Variants in EFCAB6 observed in about 807,000 individuals in gnomAD.
EFCAB6 encodes the protein EF-hand calcium-binding domain-containing protein 6.
A neutral mutation model predicts 169.8 loss-of-function variants in EFCAB6; 156 were observed. The observed-to-expected ratio is 0.92, with a 90% CI of 0.81 to 1.05. The LOEUF is 1.05. EFCAB6 is among the 50% of genes least tolerant of loss of function. EFCAB6 has a pLI of 0.00. For missense variants in EFCAB6, 1,800 were observed against 1,829.1 expected, an observed-to-expected ratio of 0.98 and a Z score of 0.29; for synonymous variants, 698 against 676.4, an observed-to-expected ratio of 1.03 and a Z score of -0.50.
At chr22:43,588,297 A>C (rs1370902535) in intron 24 of EFCAB6, among the ~76,000 whole-genome samples, 1 of 152,238 alleles carries the variant, frequency 6.6e-6, no homozygotes, top group African/African-American at 2.4e-5. Flanking sequence ...TAATAGTTTT[A>C]AAAAGCAACA....
intron 5 of EFCAB6, among the ~76,000 whole-genome samples, chr22:43,762,744 G>C (rs138676122): frequency 1.3e-5 from 2 of 152,150 alleles, no homozygotes; most frequent in East Asian, 3.9e-4. Context: ...AAATTTATTA[G>C]ACAAGTTTCA....
chr22:43,596,715 C>G (rs2052039084), intron 23 of EFCAB6, among the ~76,000 whole-genome samples: 1 of 152,020 alleles, frequency 6.6e-6, no homozygotes, highest in Admixed American at 6.6e-5. Flanking sequence ...TACAAAAATA[C>G]CAAATGACAT....
intron 21 of EFCAB6, among the ~76,000 whole-genome samples, chr22:43,612,851 G>A (rs2053413330): frequency 6.6e-6 from 1 of 151,052 alleles, no homozygotes; most frequent in Admixed American, 6.6e-5. Context: ...CCTAGATCAT[G>A]CCACTGCACT....
In EFCAB6 at chr22:43,540,202, C is replaced by T. The variant is rs199948569; in HGVS notation, c.3804G>A (p.Ser1268=). 1.0e-4 allele frequency: 168 copies of T among 1,614,184 alleles called. No individual in the cohort carries two copies. The highest frequency in any genetic ancestry group is 6.6e-4 in the Middle Eastern group (4 of 6,062). The part of the protein sequence containing the change: ...AQRGSSVPDV[S]EGTRSALSLP... ...ATGAGAGGGCAGATCTGGTGCCTTC[C>T]GAGACGTCAGGGACACTGCTCCCTC... The change falls in exon 28 of 32, where the codon TCG becomes TCA. Residue 1268 remains serine, a synonymous_variant. Transcript: ENST00000262726.
Position 43,782,325 on chromosome 22 carries a change from C to T in EFCAB6, c.-7G>A, listed in dbSNP as rs2061852982. 3 of 1,610,092 alleles carry T rather than the reference C, an allele frequency of 1.9e-6. No individual in the cohort carries two copies. Among genetic ancestry groups the T allele is most frequent in the Non-Finnish European group, 2.5e-6 (3 of 1,178,896 alleles). ...TAATCGCCATTTTGCACATTAAATC[C>T]CTGTGATATAAAAGAAAACAGATTA... On this transcript the variant is annotated splice_region_variant and 5_prime_UTR_variant, in exon 3 of 32. Transcript: ENST00000262726.
chr22:43,626,385 T>C (rs2147833224), intron 20 of EFCAB6, 62 bp downstream of exon 20: 3 of 1,502,918 alleles, frequency 2.0e-6, no homozygotes, highest in Non-Finnish European at 2.7e-6. Context: ...ATGGAAATGC[T>C]GGACGTCACA....
chr22:43,534,548 C>G, intron 30 of EFCAB6, 140 bp downstream of exon 30: 1 of 738,614 alleles, frequency 1.4e-6, no homozygotes, highest in Non-Finnish European at 2.0e-6. Context: ...ACCACCTAAG[C>G]TGGGAGTTTG....
intron 26 of EFCAB6, among the ~76,000 whole-genome samples, chr22:43,568,023 C>A (rs2049564840): frequency 6.6e-6 from 1 of 152,216 alleles, no homozygotes; most frequent in Admixed American, 6.5e-5. Flanking sequence ...ATGTGCCAGG[C>A]ACACTCACAG....
rs146339176 is a variant in EFCAB6 at position 43,667,158 on chromosome 22, A to C, written c.1929T>G (p.Phe643Leu). Residue 643 changes from phenylalanine (F) to leucine (L), a missense_variant, in exon 17 of 32, where the codon TTT becomes TTG. By Grantham distance (22) the Phe-to-Leu change is conservative. Coordinates refer to ENST00000262726, the MANE Select transcript of EFCAB6 (RefSeq NM_022785.4). ...QQQDPAFKKR[F>L]LDFSKEPNGK... ...CATTAGGCTCCTTGCTGAAGTCAAG[A>C]AATCGTTTTTTGAATGCCGGGTCCT... 2.1e-4 allele frequency: 338 copies of C among 1,614,012 alleles called. No homozygotes were observed. Among genetic ancestry groups the C allele is most frequent in the Non-Finnish European group, 2.5e-4 (294 of 1,180,014 alleles).
At chr22:43,529,848 G>A (rs2046952534) in intron 31 of EFCAB6, among the ~76,000 whole-genome samples, 1 of 152,228 alleles carries the variant, frequency 6.6e-6, no homozygotes. Flanking sequence ...ACCTTAAGCT[G>A]CTATTTTCCC....
chr22:43,671,649 T>C (rs915601055), intron 15 of EFCAB6, among the ~76,000 whole-genome samples: 3 of 152,100 alleles, frequency 2.0e-5, no homozygotes, highest in African/African-American at 7.2e-5. Context: ...AGCTCAGGAA[T>C]CATAGAGACC....
intron 9 of EFCAB6, 157 bp downstream of exon 9, chr22:43,716,691 G>T: frequency 1.4e-6 from 1 of 726,088 alleles, no homozygotes. Flanking sequence ...TCAATGTATT[G>T]CTGTTATTGG....
At position 43,776,417 on chromosome 22, in the gene EFCAB6, A is replaced by T. The variant is rs143557196; in HGVS notation, c.140-3314T>A. Among the ~76,000 whole-genome samples, 281 of 152,354 alleles carry T rather than the reference A, an allele frequency of 1.8e-3. 1 individual carries two copies. The highest frequency in any genetic ancestry group is 6.4e-3 in the African/African-American group (265 of 41,590). ...GTGAGACGACAGACAAGAAGCCAAT[A>T]AATAAATAAACAAATGATAGGGTCA... On this transcript the variant is annotated intron_variant, in intron 3 of 31. Transcript: ENST00000262726.
chr22:43,555,108 A>G lies in EFCAB6; in HGVS notation c.3421-12T>C. On this transcript the variant is annotated splice_polypyrimidine_tract_variant and intron_variant, in intron 26 of 31. Transcript: ENST00000262726. ...CACTCATCAGCTGTCTGGACAAAAT[A>G]GAATGGAAATTGATCCATGTGAGAA... 1 of 1,613,920 alleles carries G rather than the reference A, an allele frequency of 6.2e-7. No individual in the cohort carries two copies. Among genetic ancestry groups the G allele is most frequent in the Non-Finnish European group, 8.5e-7 (1 of 1,179,816 alleles).
chr22:43,594,653 C>A (rs1416081217), intron 23 of EFCAB6, among the ~76,000 whole-genome samples: 1 of 152,164 alleles, frequency 6.6e-6, no homozygotes, highest in African/African-American at 2.4e-5. Context: ...GTTAATATAT[C>A]TAAAAGGAGA....
chr22:43,759,593 A>G (rs1199237968), intron 5 of EFCAB6: 2 of 152,198 alleles, frequency 1.3e-5, no homozygotes, highest in Non-Finnish European at 1.5e-5. Flanking sequence ...GTTTCTGAAG[A>G]GATGATGATG....
At chr22:43,804,758 CAAA>C (rs57008458) in intron 2 of EFCAB6, among the ~76,000 whole-genome samples, 1,513 of 127,056 alleles carry the variant, frequency 0.012, 18 homozygotes, top group Non-Finnish European at 0.016. Flanking sequence ...AGCCCTGCCT[CAAA>C]AAAAAAAAAA....
At chr22:43,614,946 G>A (rs1408235403) in intron 21 of EFCAB6, among the ~76,000 whole-genome samples, 1 of 152,176 alleles carries the variant, frequency 6.6e-6, no homozygotes, top group Non-Finnish European at 1.5e-5. Flanking sequence ...AGCACAGACA[G>A]TCCACTCTAT....
At chr22:43,771,690 C>A (rs1223166814) in intron 4 of EFCAB6, among the ~76,000 whole-genome samples, 1 of 152,072 alleles carries the variant, frequency 6.6e-6, no homozygotes, top group East Asian at 1.9e-4. Context: ...CTCCTTTCAT[C>A]CCCCTGGTGT....
Sources: allele counts gnomAD v4.1 joint callset (sites outside exome capture counted in the v4.1 genomes callset), GRCh38; gene constraint gnomAD v4.1.1; transcripts MANE v1.5; gene names NCBI Gene and HGNC (gene_info 2026-07-23, HGNC 2026-07-21).